Variants in CLASP1 observed in about 807,000 individuals in gnomAD.
CLASP1 encodes the protein CLIP-associating protein 1.
In CLASP1, 38 loss-of-function variants were observed where a neutral mutation model predicts 192.3. The ratio of observed to expected loss-of-function variants is 0.20; its 90% CI spans 0.15 to 0.26. The LOEUF (loss-of-function observed/expected upper bound fraction) is 0.26. Among genes scored for constraint, CLASP1 ranks in the 10% least tolerant of loss-of-function variants. The pLI, the probability that CLASP1 is intolerant of heterozygous loss-of-function variation, is 1.00. For synonymous variants in CLASP1, 691 were observed against 712.8 expected (o/e 0.97, Z 0.49); for missense variants, 1,433 against 1,932.5 (o/e 0.74, Z 4.85).
At chr2:121,411,062 A>T (rs1041109367) in intron 23 of CLASP1, 93 bp from the exon 25 acceptor site, 2 of 761,698 alleles carry the variant, frequency 2.6e-6, no homozygotes, top group Admixed American at 6.0e-5. Flanking sequence ...CCAAGTAGAC[A>T]GAAGTACTGA....
chr2:121,499,666 T>A (rs1018379570), intron 8 of CLASP1, among the ~76,000 whole-genome samples: 1 of 152,172 alleles, frequency 6.6e-6, no homozygotes, highest in Admixed American at 6.5e-5. Flanking sequence ...ACAAAAGGCC[T>A]AACACCTATT....
intron 2 of CLASP1, among the ~76,000 whole-genome samples, chr2:121,592,753 C>T (rs1242423739): frequency 2.0e-5 from 3 of 152,058 alleles, no homozygotes; most frequent in Non-Finnish European, 4.4e-5. Flanking sequence ...CCAGGGTTCA[C>T]GCCATTCTCC....
At chr2:121,413,708 T>C (rs2078105274) in intron 23 of CLASP1, among the ~76,000 whole-genome samples, 3 of 152,216 alleles carry the variant, frequency 2.0e-5, no homozygotes, top group Admixed American at 2.0e-4. Context: ...AACTAAATGG[T>C]ACCTTAAAAA....
Position 121,503,792 on chromosome 2 carries a change from T to G in CLASP1, c.645-558A>C, listed in dbSNP as rs537251358. 3 of 152,372 alleles carry G rather than the reference T, an allele frequency of 2.0e-5. No individual in the cohort carries two copies. The South Asian group carries it at 6.2e-4, about 32-fold the overall frequency. The allele number at this position is 152,372 out of a possible 1,614,324, so 9.4% of individuals were successfully genotyped here. ...AAAAAAAATCTGTATTACATTTATT[T>G]TCTATTAATGGATCATTTCACCTTG... On this transcript the variant is annotated intron_variant, in intron 7 of 39. Transcript: ENST00000263710.
At chr2:121,432,114 TATTA>T (rs373835369) in intron 19 of CLASP1, among the ~76,000 whole-genome samples, 45 of 152,278 alleles carry the variant, frequency 3.0e-4, no homozygotes, top group Middle Eastern at 3.4e-3. Flanking sequence ...TTTATTAATT[TATTA>T]ATTAATTAAT....
intron 1 of CLASP1, among the ~76,000 whole-genome samples, chr2:121,629,917 CTA>C (rs1479561375): frequency 2.6e-5 from 4 of 151,910 alleles, no homozygotes; most frequent in African/African-American, 9.7e-5. Flanking sequence ...AATGTTAATA[CTA>C]TGTTTTCCCT....
intron 20 of CLASP1, among the ~76,000 whole-genome samples, chr2:121,429,622 C>T (rs1036464350): frequency 1.3e-5 from 2 of 152,148 alleles, no homozygotes; most frequent in East Asian, 1.9e-4. Context: ...AAGAGAGGTG[C>T]GGGCTGCAAA....
At chr2:121,366,346 G>A (rs936659492) in intron 35 of CLASP1, among the ~76,000 whole-genome samples, 1 of 152,374 alleles carries the variant, frequency 6.6e-6, no homozygotes, top group Admixed American at 6.5e-5. Flanking sequence ...TGTGGGCAGA[G>A]TCTGAGATGC....
At chr2:121,609,804 GGT>G (rs1375192039) in intron 1 of CLASP1, among the ~76,000 whole-genome samples, 1 of 152,144 alleles carries the variant, frequency 6.6e-6, no homozygotes, top group Non-Finnish European at 1.5e-5. Context: ...AGCTGGTCAT[GGT>G]GGCACGTGCC....
At chr2:121,437,020 G>A (rs995577620) in intron 19 of CLASP1, among the ~76,000 whole-genome samples, 8 of 152,036 alleles carry the variant, frequency 5.3e-5, no homozygotes, top group South Asian at 2.1e-4. Context: ...GGAGTACAGC[G>A]GTTATGATCA....
intron 1 of CLASP1, among the ~76,000 whole-genome samples, chr2:121,616,660 C>A (rs561820768): frequency 1.8e-4 from 27 of 152,260 alleles, no homozygotes; most frequent in African/African-American, 6.5e-4. Context: ...AGGATGATTT[C>A]TGCAACAATT....
At chr2:121,469,086 G>A (rs979305767) in intron 9 of CLASP1, among the ~76,000 whole-genome samples, 8 of 152,054 alleles carry the variant, frequency 5.3e-5, no homozygotes, top group African/African-American at 1.9e-4. Flanking sequence ...TCACTCTTCC[G>A]TGGGGCTGCT....
Position 121,610,513 on chromosome 2 carries a change from G to C in CLASP1, c.-285-4333C>G, listed in dbSNP as rs376842357. ...GGAGCTGGAGGAGGAAGAGGAACTA[G>C]AGGAGGAGGAGGAGTTACAGGAGGA... On this transcript the variant is annotated intron_variant, in intron 1 of 39. Transcript: ENST00000263710. Among the ~76,000 whole-genome samples, 44 of 144,262 alleles carry C rather than the reference G, an allele frequency of 3.1e-4. No homozygotes were observed. In the East Asian group the frequency reaches 5.0e-3, roughly 16 times the overall value. The allele number at this position is 144,262 out of a possible 152,430, so 94.6% of individuals were successfully genotyped here.
intron 8 of CLASP1, among the ~76,000 whole-genome samples, chr2:121,498,332 C>T (rs2150208069): frequency 6.6e-6 from 1 of 152,090 alleles, no homozygotes; most frequent in South Asian, 2.1e-4. Flanking sequence ...CCCCACCACC[C>T]CCCCAGCTGG....
At chr2:121,574,289 C>T (rs753073121) in intron 2 of CLASP1, among the ~76,000 whole-genome samples, 131 of 150,238 alleles carry the variant, frequency 8.7e-4, no homozygotes, top group Non-Finnish European at 1.4e-3. Context: ...GATTGTGCCA[C>T]TGCACTCCAG....
At chr2:121,396,521 C>T (rs1031731012) in intron 30 of CLASP1, among the ~76,000 whole-genome samples, 1 of 152,156 alleles carries the variant, frequency 6.6e-6, no homozygotes, top group African/African-American at 2.4e-5. Flanking sequence ...ACAGTAAGTC[C>T]TAGTTCAAAT....
Position 121,370,663 on chromosome 2 carries a change from C to T in CLASP1, c.3643-2832G>A, listed in dbSNP as rs142742279. 2.1e-3 allele frequency among the ~76,000 whole-genome samples: 323 copies of T among 152,206 alleles called. 1 individual carries two copies. Among genetic ancestry groups the T allele is most frequent in the African/African-American group, 7.3e-3 (304 of 41,532 alleles). On this transcript the variant is annotated intron_variant, in intron 34 of 39. Transcript: ENST00000263710. ...TCACTGCCACCCTAGCTTTGCTGCT[C>T]GAGGCCACATTCTCCAGCAGGAACA...
chr2:121,636,890 C>T (rs950476370), intron 1 of CLASP1, among the ~76,000 whole-genome samples: 1 of 149,500 alleles, frequency 6.7e-6, no homozygotes, highest in African/African-American at 2.5e-5. Context: ...TTTAATACAT[C>T]AACCAGTAAT....
At chr2:121,339,115 A>C (rs570616718) in exon 40 of CLASP1, 2 of 149,256 alleles carry the variant, frequency 1.3e-5, no homozygotes, top group East Asian at 2.0e-4. Context: ...GGGTGCACGC[A>C]CAAACACACA....
Sources: gnomAD v4.1 joint callset for allele counts (sites outside exome capture counted in the v4.1 genomes callset) on GRCh38, gnomAD v4.1.1 for gene constraint, MANE v1.5 for transcripts, NCBI Gene and HGNC (gene_info 2026-07-23, HGNC 2026-07-21) for gene names.